Variants in EPS15L1 observed in about 807,000 individuals in gnomAD.
EPS15L1 encodes epidermal growth factor receptor substrate 15-like 1.
In EPS15L1, 43 loss-of-function variants were observed where a neutral mutation model predicts 117.1. The observed-to-expected ratio is 0.37, with a 90% CI of 0.29 to 0.47. The LOEUF (loss-of-function observed/expected upper bound fraction) is 0.47, where lower values mean the gene tolerates loss of function less well. Ranked by LOEUF, EPS15L1 falls within the 20% of genes least tolerant of loss-of-function variation. The probability of loss-of-function intolerance (pLI) is 0.99; values close to 1 mark genes in which losing one functional copy is unlikely to be tolerated. For missense variants in EPS15L1, 981 were observed against 1,164.0 expected, an observed-to-expected ratio of 0.84 and a Z score of 2.29; for synonymous variants, 459 against 470.5, an observed-to-expected ratio of 0.98 and a Z score of 0.32.
At position 16,404,905 on chromosome 19, in the gene EPS15L1, A is replaced by G. The variant is rs2092641106; in HGVS notation, c.1267-156T>C. 6.6e-6 allele frequency among the ~76,000 whole-genome samples: 1 copy of G among 152,168 alleles called. No homozygotes were observed. Among genetic ancestry groups the G allele is most frequent in the Non-Finnish European group, 1.5e-5 (1 of 68,026 alleles). ...AGCATTCCGTGCACACCCACGGCCA[A>G]TGTGTGCCTCTTGGGCTGGAGGCCC... is the stretch of plus-strand genomic sequence containing the variant. On this transcript the variant is annotated intron_variant, in intron 13 of 23. Coordinates refer to ENST00000455140, the MANE Select transcript of EPS15L1 (RefSeq NM_001258374.3). This position sits in a 1 kb window ranked among gnomAD's most constrained non-coding sequence, Gnocchi z 4.2.
chr19:16,467,790 C>T (rs2093317123), intron 1 of EPS15L1, among the ~76,000 whole-genome samples: 1 of 152,206 alleles, frequency 6.6e-6, no homozygotes, highest in Non-Finnish European at 1.5e-5. Flanking sequence ...GGGAGAGGTG[C>T]CCAGCAGGCC....
At chr19:16,385,980 C>T (rs2092416991) in intron 20 of EPS15L1, among the ~76,000 whole-genome samples, 191 bp downstream of exon 20, 1 of 152,212 alleles carries the variant, frequency 6.6e-6, no homozygotes, top group South Asian at 2.1e-4. Context: ...GATGCCAGCG[C>T]GTGCCCAGGA....
At chr19:16,467,974 G>A (rs2093318389) in intron 1 of EPS15L1, among the ~76,000 whole-genome samples, 1 of 152,180 alleles carries the variant, frequency 6.6e-6, no homozygotes, top group East Asian at 1.9e-4. Context: ...TACAGCAAAA[G>A]CTCCTGGATG....
At chr19:16,407,472 C>T (rs929439040) in intron 13 of EPS15L1, among the ~76,000 whole-genome samples, 1 of 152,046 alleles carries the variant, frequency 6.6e-6, no homozygotes, top group East Asian at 1.9e-4. Flanking sequence ...CGCCCAGTTG[C>T]GTGATTTTTT....
chr19:16,409,288 C>T (rs1336954297), intron 13 of EPS15L1, among the ~76,000 whole-genome samples: 1 of 152,102 alleles, frequency 6.6e-6, no homozygotes, highest in Non-Finnish European at 1.5e-5. Flanking sequence ...AACTAGATGT[C>T]CACATGCAAA....
chr19:16,455,926 C>T (rs2093190968), intron 1 of EPS15L1, among the ~76,000 whole-genome samples: 2 of 152,172 alleles, frequency 1.3e-5, no homozygotes, highest in South Asian at 2.1e-4. Context: ...GAAAGCCAGG[C>T]GCAGTGGATC....
At chr19:16,397,879 G>A (rs1433614692) in intron 16 of EPS15L1, among the ~76,000 whole-genome samples, 1 of 152,086 alleles carries the variant, frequency 6.6e-6, no homozygotes, top group African/African-American at 2.4e-5. Context: ...CACCCTCAGT[G>A]AAAACATGAA....
At position 16,404,981 on chromosome 19, in the gene EPS15L1, CAG is replaced by C. The variant is rs2144844271; in HGVS notation, c.1267-234_1267-233del. ...CAGCAGGTATTTCCCGATGGCCTAA[CAG>C]AGGCCAGGTGCGAGAGAAGGGGCTG... On this transcript the variant is annotated intron_variant, in intron 13 of 23. Coordinates refer to ENST00000455140, the MANE Select transcript of EPS15L1 (RefSeq NM_001258374.3). This position sits in a 1 kb window ranked among gnomAD's most constrained non-coding sequence, Gnocchi z 4.2. Among the ~76,000 whole-genome samples the C allele has an allele frequency of 6.6e-6, 1 of 152,352 alleles. No homozygotes were observed. The highest frequency in any genetic ancestry group is 1.9e-4 in the East Asian group (1 of 5,186).
At chr19:16,411,574 G>T (rs2092705947) in intron 13 of EPS15L1, among the ~76,000 whole-genome samples, 1 of 152,184 alleles carries the variant, frequency 6.6e-6, no homozygotes, top group African/African-American at 2.4e-5. Context: ...CAGCACATTT[G>T]ACATTAATTA....
Position 16,404,783 on chromosome 19 carries a change from G to A in EPS15L1, c.1267-34C>T. The A allele has an allele frequency of 5.6e-6, 9 of 1,609,628 alleles. No individual in the cohort carries two copies. Among genetic ancestry groups the A allele is most frequent in the Non-Finnish European group, 7.6e-6 (9 of 1,176,566 alleles). ...GAGTTGCAGGGGTTTACGTGAGGAT[G>A]GGAAAAATGAAGCATGTCCAAGATA... is the stretch of plus-strand genomic sequence containing the variant. On this transcript the variant is annotated intron_variant, in intron 13 of 23. Coordinates refer to ENST00000455140, the MANE Select transcript of EPS15L1 (RefSeq NM_001258374.3). This position sits in a 1 kb window ranked among gnomAD's most constrained non-coding sequence, Gnocchi z 4.2.
In EPS15L1 at chr19:16,377,160, G is replaced by A. The variant is rs1285903526; in HGVS notation, c.2342C>T (p.Pro781Leu). 1.9e-5 allele frequency: 30 copies of A among 1,609,532 alleles called. No individual in the cohort carries two copies. Among genetic ancestry groups the A allele is most frequent in the South Asian group, 5.5e-5 (5 of 90,442 alleles). ...KSKQDTPALP[P>L]KKPAPPRPKP... The stretch of plus-strand genomic sequence containing the variant: ...AGGCCGTGGAGGAGCAGGTTTCTTC[G>A]GAGGCAGAGCAGGAGTGTCCTGTTT... The change falls in exon 22 of 24, where the codon CCG becomes CTG. Residue 781 changes from proline (P) to leucine (L), a missense_variant. Pro to Leu is a moderately conservative substitution (Grantham distance 98). Around this residue, in one of 5 missense-constraint regions of EPS15L1, gnomAD observed 819 missense variants for 949.0 expected, o/e 0.86. Coordinates refer to ENST00000455140, the MANE Select transcript of EPS15L1 (RefSeq NM_001258374.3).
At chr19:16,361,294 C>T (rs2092046963) in intron 23 of EPS15L1, among the ~76,000 whole-genome samples, 1 of 151,762 alleles carries the variant, frequency 6.6e-6, no homozygotes, top group Admixed American at 6.6e-5. Flanking sequence ...TTCCCTGGCG[C>T]GATCTGCCTG....
chr19:16,372,519 C>A (rs903383751), intron 22 of EPS15L1, among the ~76,000 whole-genome samples: 1 of 152,186 alleles, frequency 6.6e-6, no homozygotes, highest in Admixed American at 6.5e-5. Context: ...GTTCAACTCC[C>A]TGCACGCTTT....
rs56824066 is a variant in EPS15L1 at position 16,448,547 on chromosome 19, AG to A, written c.34-6329del. 2.2e-4 allele frequency among the ~76,000 whole-genome samples: 26 copies of A among 119,398 alleles called. 2 individuals are homozygous for A. Among genetic ancestry groups the A allele is most frequent in the East Asian group, 8.2e-4 (3 of 3,652 alleles). The allele number at this position is 119,398 out of a possible 152,430, so 78.3% of individuals were successfully genotyped here. The stretch of plus-strand genomic sequence containing the variant: ...GAGCAAAATTCCGTATTAAAAAAAA[AG>A]GGGGGGGGAGAAAGGCCGGGCGCGG... On this transcript the variant is annotated intron_variant, in intron 1 of 23. Transcript: ENST00000455140.
chr19:16,361,647 G>T, intron 23 of EPS15L1, 132 bp downstream of exon 23: 2 of 1,407,604 alleles, frequency 1.4e-6, no homozygotes, highest in Non-Finnish European at 1.9e-6. Context: ...TAAATAACGC[G>T]AGGGACAGAG....
At chr19:16,413,976 C>A in intron 12 of EPS15L1, 131 bp from the exon 13 acceptor site, 2 of 678,386 alleles carry the variant, frequency 2.9e-6, no homozygotes, top group South Asian at 3.5e-5. Context: ...TGAGACCCAG[C>A]GACTGCTCGC....
intron 23 of EPS15L1, among the ~76,000 whole-genome samples, chr19:16,359,212 G>GC (rs2092021051): frequency 6.6e-6 from 1 of 152,190 alleles, no homozygotes; most frequent in South Asian, 2.1e-4. Flanking sequence ...AATCTGCCGG[G>GC]CAGTCAGACA....
chr19:16,432,202 G>C (rs2092934686), intron 7 of EPS15L1, among the ~76,000 whole-genome samples: 1 of 152,158 alleles, frequency 6.6e-6, no homozygotes, highest in Non-Finnish European at 1.5e-5. Context: ...GGGAGGCCGA[G>C]GCAGGTGGAT....
intron 1 of EPS15L1, among the ~76,000 whole-genome samples, chr19:16,461,757 A>G (rs2093254767): frequency 6.6e-6 from 1 of 152,244 alleles, no homozygotes; most frequent in Admixed American, 6.5e-5. Context: ...GTGAGGAGGT[A>G]GCAGGGCCCC....
Sources: allele counts gnomAD v4.1 joint callset (sites outside exome capture counted in the v4.1 genomes callset), GRCh38; gene constraint gnomAD v4.1.1; regional missense constraint gnomAD v4.1.1; non-coding constraint Gnocchi (gnomAD v3.1); transcripts MANE v1.5; gene names NCBI Gene and HGNC (gene_info 2026-07-23, HGNC 2026-07-21).